Variants in AK5 observed in about 807,000 individuals in gnomAD.
The protein encoded by AK5 is adenylate kinase 5.
AK5 carries 27 observed loss-of-function variants against 69.5 expected under a neutral mutation model. The ratio of observed to expected loss-of-function variants is 0.39; its 90% CI spans 0.29 to 0.54. The LOEUF (loss-of-function observed/expected upper bound fraction) is 0.54, where lower values mean the gene tolerates loss of function less well. Ranked by LOEUF, AK5 falls within the 20% of genes least tolerant of loss-of-function variation. The probability of loss-of-function intolerance (pLI) is 0.71; values close to 1 mark genes in which losing one functional copy is unlikely to be tolerated. For synonymous variants in AK5, 260 were observed against 244.4 expected (o/e 1.06, Z -0.60); for missense variants, 531 against 700.4 (o/e 0.76, Z 2.73).
intron 8 of AK5, among the ~76,000 whole-genome samples, chr1:77,444,342 CACAAT>C (rs1652570054): frequency 1.9e-5 from 1 of 52,796 alleles, no homozygotes; most frequent in African/African-American, 7.7e-5. Flanking sequence ...AGTATATATA[CACAAT>C]ATATGTGTAT....
At chr1:77,297,788 A>G in intron 4 of AK5, 46 bp from the exon 5 acceptor site, 1 of 1,607,210 alleles carries the variant, frequency 6.2e-7, no homozygotes, top group Non-Finnish European at 8.5e-7. Context: ...TGAGTATACT[A>G]AGTTTAACTG....
At chr1:77,290,715 T>C (rs545566279) in intron 2 of AK5, among the ~76,000 whole-genome samples, 5 of 152,336 alleles carry the variant, frequency 3.3e-5, no homozygotes, top group Admixed American at 3.3e-4. Flanking sequence ...AACCAGCACT[T>C]ACTTCTTTTC....
intron 13 of AK5, among the ~76,000 whole-genome samples, chr1:77,544,522 AT>A (rs1162075959): frequency 1.1e-4 from 16 of 151,720 alleles, no homozygotes; most frequent in Non-Finnish European, 4.4e-5. Flanking sequence ...GTTTTTTTCT[AT>A]TTTAAAAAAA....
chr1:77,502,899 C>T lies in AK5; in HGVS notation c.1148-15665C>T, dbSNP rs370784111. 1.8e-4 allele frequency among the ~76,000 whole-genome samples: 27 copies of T among 152,336 alleles called. 1 individual carries two copies. The highest frequency in any genetic ancestry group is 6.5e-4 in the African/African-American group (27 of 41,586). ...CCCAGGAATGCCACCCCCTCTCACA[C>T]CCTGCTGTGGTATAGGTGAACTCAG... On this transcript the variant is annotated intron_variant, in intron 10 of 13. Transcript: ENST00000354567.
intron 5 of AK5, among the ~76,000 whole-genome samples, chr1:77,323,331 T>G (rs538085081): frequency 6.6e-6 from 1 of 152,326 alleles, no homozygotes; most frequent in East Asian, 1.9e-4. Context: ...CTGTTTCCCA[T>G]GCATGTAAAA....
chr1:77,533,278 G>A (rs1658751051), intron 12 of AK5, among the ~76,000 whole-genome samples: 1 of 152,140 alleles, frequency 6.6e-6, no homozygotes, highest in South Asian at 2.1e-4. Flanking sequence ...TACTTTGAGA[G>A]GCTGAGGTGG....
At chr1:77,479,986 C>T (rs555096264) in intron 8 of AK5, among the ~76,000 whole-genome samples, 3 of 152,310 alleles carry the variant, frequency 2.0e-5, no homozygotes, top group South Asian at 2.1e-4. Context: ...GGTTCCTTGT[C>T]CAAGTGACAT....
At chr1:77,386,294 T>G (rs543938465) in intron 6 of AK5, among the ~76,000 whole-genome samples, 1 of 152,318 alleles carries the variant, frequency 6.6e-6, no homozygotes, top group African/African-American at 2.4e-5. Context: ...AGGCAACATA[T>G]TCCAAATATT....
chr1:77,491,797 C>A (rs1297980733), intron 10 of AK5, among the ~76,000 whole-genome samples: 1 of 152,186 alleles, frequency 6.6e-6, no homozygotes, highest in East Asian at 1.9e-4. Context: ...ATAATGTTAT[C>A]TTATTGAATG....
intron 10 of AK5, among the ~76,000 whole-genome samples, chr1:77,516,805 C>A (rs944854263): frequency 6.6e-6 from 1 of 152,088 alleles, no homozygotes; most frequent in African/African-American, 2.4e-5. Flanking sequence ...CACAGTGGCT[C>A]ATGCCTGTAA....
intron 8 of AK5, among the ~76,000 whole-genome samples, chr1:77,461,878 C>T (rs1653864911): frequency 6.6e-6 from 1 of 151,976 alleles, no homozygotes; most frequent in Non-Finnish European, 1.5e-5. Context: ...AGTGTTCTCA[C>T]CACAAAAATG....
intron 10 of AK5, among the ~76,000 whole-genome samples, chr1:77,498,078 T>TC (rs1223180474): frequency 6.6e-6 from 1 of 152,032 alleles, no homozygotes; most frequent in Admixed American, 6.5e-5. Flanking sequence ...CCTGAAACCT[T>TC]CCCAAGAGCC....
chr1:77,483,889 G>A (rs1655421261), intron 9 of AK5, among the ~76,000 whole-genome samples: 1 of 152,208 alleles, frequency 6.6e-6, no homozygotes, highest in African/African-American at 2.4e-5. Flanking sequence ...AAATGGCCAG[G>A]TGCAGTGGCT....
chr1:77,451,959 G>A (rs1653186442), intron 8 of AK5, among the ~76,000 whole-genome samples: 1 of 152,190 alleles, frequency 6.6e-6, no homozygotes, highest in African/African-American at 2.4e-5. Flanking sequence ...TGAGTTCCTT[G>A]AGGACAAGGA....
At chr1:77,307,899 T>C (rs1331722760) in intron 5 of AK5, among the ~76,000 whole-genome samples, 1 of 152,134 alleles carries the variant, frequency 6.6e-6, no homozygotes, top group East Asian at 1.9e-4. Flanking sequence ...TGGTTTTCGG[T>C]TTTCATGAAG....
At chr1:77,549,394 C>T (rs1321195385) in intron 13 of AK5, among the ~76,000 whole-genome samples, 2 of 152,010 alleles carry the variant, frequency 1.3e-5, no homozygotes, top group Non-Finnish European at 2.9e-5. Flanking sequence ...GTTAGGATCA[C>T]GTCAGGGTAA....
At chr1:77,526,224 A>C (rs954438228) in intron 12 of AK5, among the ~76,000 whole-genome samples, 5 of 151,996 alleles carry the variant, frequency 3.3e-5, no homozygotes, top group African/African-American at 4.8e-5. Context: ...GTTGGAGGGG[A>C]AAGGAAGAGG....
chr1:77,293,732 G>T (rs200480813), intron 2 of AK5, 61 bp from the exon 3 acceptor site: 18 of 1,393,102 alleles, frequency 1.3e-5, no homozygotes, highest in Non-Finnish European at 1.5e-5. Context: ...AACTGTTTAA[G>T]TGTGAAGAGT....
At chr1:77,286,868 T>G in intron 1 of AK5, 73 bp from the exon 2 acceptor site, 1 of 953,078 alleles carries the variant, frequency 1.0e-6, no homozygotes, top group African/African-American at 1.7e-5. Flanking sequence ...TTAATTAAAT[T>G]AAATTAAATT....
Sources: gnomAD v4.1 joint callset for allele counts (sites outside exome capture counted in the v4.1 genomes callset) on GRCh38, gnomAD v4.1.1 for gene constraint, MANE v1.5 for transcripts, NCBI Gene and HGNC (gene_info 2026-07-23, HGNC 2026-07-21) for gene names.